The following MYO5A variants were observed in gnomAD, a reference collection of about 807,000 sequenced individuals.
The protein encoded by MYO5A is myosin VA, also known as unconventional myosin-Va.
MYO5A carries 98 observed loss-of-function variants against 249.7 expected under a neutral mutation model. The ratio of observed to expected loss-of-function variants is 0.39; its 90% confidence interval spans 0.33 to 0.46. MYO5A has a LOEUF of 0.46. MYO5A is among the 20% of genes least tolerant of loss of function. The pLI is 0.98. For synonymous variants in MYO5A, 778 were observed against 810.6 expected (o/e 0.96, Z 0.68); for missense variants, 1,696 against 2,308.8 (o/e 0.73, Z 5.44).
At chr15:52,391,727 A>T (rs2042245656) in intron 12 of MYO5A, among the ~76,000 whole-genome samples, 1 of 152,192 alleles carries the variant, frequency 6.6e-6, no homozygotes, top group Non-Finnish European at 1.5e-5. Context: ...GAATCAGCTG[A>T]AAAGAGGAGG....
intron 1 of MYO5A, among the ~76,000 whole-genome samples, chr15:52,507,700 C>T (rs1460788552): frequency 1.3e-5 from 2 of 150,796 alleles, no homozygotes; most frequent in African/African-American, 4.9e-5. Flanking sequence ...CCTGTAGTCC[C>T]AGCCGAAGTG....
chr15:52,405,884 C>A (rs2042983406), intron 8 of MYO5A, among the ~76,000 whole-genome samples: 1 of 152,096 alleles, frequency 6.6e-6, no homozygotes, highest in Admixed American at 6.5e-5. Context: ...CAGATACAGC[C>A]CAATAAAGCT....
intron 10 of MYO5A, among the ~76,000 whole-genome samples, 195 bp from the exon 11 acceptor site, chr15:52,396,592 T>C (rs1298698208): frequency 6.6e-6 from 1 of 152,066 alleles, no homozygotes; most frequent in Non-Finnish European, 1.5e-5. Context: ...GCATCAGCCA[T>C]GCAGCAGAGA....
chr15:52,363,173 TG>T (rs2040623644), intron 24 of MYO5A, among the ~76,000 whole-genome samples: 1 of 151,756 alleles, frequency 6.6e-6, no homozygotes, highest in South Asian at 2.1e-4. Context: ...ATAAATAGAG[TG>T]AACAAAAACA....
In MYO5A at chr15:52,372,233, C is replaced by A; in HGVS notation, c.2708G>T (p.Arg903Leu). Residue 903 changes from arginine (R) to leucine (L), a missense_variant, in exon 21 of 42, where the codon CGT becomes CTT. Around this residue, in one of 5 missense-constraint regions of MYO5A, gnomAD observed 412 missense variants for 453.3 expected, o/e 0.91. Coordinates refer to ENST00000399233, the MANE Select transcript of MYO5A (RefSeq NM_001382347.1). Reference protein sequence around the residue: ...QCCFRRMMAKRELKKLKIEAR... With the variant: ...QCCFRRMMAKLELKKLKIEAR... Reference sequence around the variant, plus strand: ...CTCGATTTTGAGCTTCTTTAGCTCACGCTTGGCCATCATCCGCCTGAAGCA... The same window carrying A: ...CTCGATTTTGAGCTTCTTTAGCTCAAGCTTGGCCATCATCCGCCTGAAGCA... 6.2e-7 allele frequency: 1 copy of A among 1,613,316 alleles called. No individual in the cohort carries two copies. The highest frequency in any genetic ancestry group is 1.7e-5 in the Admixed American group (1 of 60,016).
chr15:52,378,808 G>C (rs1349801848), intron 18 of MYO5A, among the ~76,000 whole-genome samples: 3 of 152,138 alleles, frequency 2.0e-5, no homozygotes, highest in Non-Finnish European at 4.4e-5. Flanking sequence ...TCCTCAGACA[G>C]CATCGGCATC....
chr15:52,424,950 C>T (rs143995095), intron 4 of MYO5A, among the ~76,000 whole-genome samples: 51 of 152,258 alleles, frequency 3.3e-4, no homozygotes, highest in African/African-American at 1.2e-3. Flanking sequence ...TCATATAATA[C>T]TAATGTTAAA....
At position 52,528,835 on chromosome 15, in the gene MYO5A, C is replaced by G; in HGVS notation, c.-29G>C. 4.1e-6 allele frequency: 6 copies of G among 1,471,148 alleles called. No homozygotes were observed. Among genetic ancestry groups the G allele is most frequent in the Non-Finnish European group, 4.5e-6 (5 of 1,116,002 alleles). The allele number at this position is 1,471,148 out of a possible 1,614,324, so 91.1% of individuals were successfully genotyped here. The stretch of plus-strand genomic sequence containing the variant: ...GGGCCCCGCGCGCCTACGCCCCCCG[C>G]CTGTGCGGAGGCCGCACCTCGCCTG... On this transcript the variant is annotated 5_prime_UTR_variant, in exon 1 of 42. Coordinates refer to ENST00000399233, the MANE Select transcript of MYO5A (RefSeq NM_001382347.1).
intron 18 of MYO5A, among the ~76,000 whole-genome samples, chr15:52,378,619 A>C (rs2141117286): frequency 6.6e-6 from 1 of 151,654 alleles, no homozygotes; most frequent in Non-Finnish European, 1.5e-5. Context: ...TTTCAAGGAA[A>C]AAATATTATT....
At chr15:52,403,717 C>A (rs1287133950) in intron 9 of MYO5A, among the ~76,000 whole-genome samples, 1 of 152,036 alleles carries the variant, frequency 6.6e-6, no homozygotes, top group Non-Finnish European at 1.5e-5. Flanking sequence ...CAACAAAGCT[C>A]TTTTTTAAAA....
intron 6 of MYO5A, among the ~76,000 whole-genome samples, chr15:52,408,919 G>T (rs999021933): frequency 6.6e-6 from 1 of 152,170 alleles, no homozygotes; most frequent in Non-Finnish European, 1.5e-5. Context: ...CAAATTACCA[G>T]TATACCAATG....
intron 11 of MYO5A, among the ~76,000 whole-genome samples, chr15:52,393,717 C>T (rs1278047118): frequency 1.3e-5 from 2 of 152,068 alleles, no homozygotes; most frequent in South Asian, 2.1e-4. Context: ...TACAGTCTAA[C>T]GAGCTATTAT....
At chr15:52,493,638 G>A (rs2076979221) in intron 1 of MYO5A, among the ~76,000 whole-genome samples, 1 of 152,034 alleles carries the variant, frequency 6.6e-6, no homozygotes, top group African/African-American at 2.4e-5. Flanking sequence ...CTCCAGTCTG[G>A]GCGATAGAGC....
At chr15:52,511,864 A>G (rs956936017) in intron 1 of MYO5A, among the ~76,000 whole-genome samples, 3 of 152,212 alleles carry the variant, frequency 2.0e-5, no homozygotes, top group African/African-American at 7.2e-5. Flanking sequence ...TAACTAGATT[A>G]ATCTTAACAT....
At chr15:52,396,497 C>G in intron 10 of MYO5A, 100 bp from the exon 11 acceptor site, 1 of 704,122 alleles carries the variant, frequency 1.4e-6, no homozygotes, top group South Asian at 1.7e-5. Flanking sequence ...GTGGGACATT[C>G]CCCAACATTG....
intron 40 of MYO5A, among the ~76,000 whole-genome samples, chr15:52,315,609 G>A (rs1373859191): frequency 6.7e-6 from 1 of 149,672 alleles, no homozygotes; most frequent in Admixed American, 6.7e-5. Context: ...CCTGACCTCA[G>A]GTGATCTGTC....
chr15:52,437,947 T>C (rs2075702327), intron 1 of MYO5A: 1 of 823,656 alleles, frequency 1.2e-6, no homozygotes, highest in South Asian at 5.6e-5. Context: ...ACCACCCTGA[T>C]AACCAATTTC....
At chr15:52,327,673 G>T (rs549462413) in intron 36 of MYO5A, among the ~76,000 whole-genome samples, 179 bp downstream of exon 36, 1 of 152,174 alleles carries the variant, frequency 6.6e-6, no homozygotes, top group Non-Finnish European at 1.5e-5. Context: ...TTGCACTACT[G>T]TACTTCAGCC....
At chr15:52,318,999 A>C in intron 39 of MYO5A, 61 bp downstream of exon 39, 1 of 1,592,646 alleles carries the variant, frequency 6.3e-7, no homozygotes, top group Non-Finnish European at 8.6e-7. Flanking sequence ...AGCTCTCCAC[A>C]ACCCTGGCAG....
Sources: gnomAD v4.1 joint callset for allele counts (sites outside exome capture counted in the v4.1 genomes callset) on GRCh38, gnomAD v4.1.1 for gene constraint, gnomAD v4.1.1 regional missense constraint, MANE v1.5 for transcripts, NCBI Gene and HGNC (gene_info 2026-07-23, HGNC 2026-07-21) for gene names.